The following CACNA1S variants were observed in gnomAD, a reference collection of about 807,000 sequenced individuals.
The protein encoded by CACNA1S is voltage-dependent L-type calcium channel subunit alpha-1S.
In CACNA1S, 126 loss-of-function variants were observed where a neutral mutation model predicts 207.4. The observed-to-expected ratio is 0.61, with a 90% CI of 0.53 to 0.70. The LOEUF is 0.70. Among genes scored for constraint, CACNA1S ranks in the 30% least tolerant of loss-of-function variants. CACNA1S has a pLI of 0.00. For synonymous variants in CACNA1S, 960 were observed against 932.7 expected, an observed-to-expected ratio of 1.03 and a Z score of -0.53; for missense variants, 2,349 against 2,422.8, an observed-to-expected ratio of 0.97 and a Z score of 0.64.
At chr1:201,069,659 C>T in intron 17 of CACNA1S, 58 bp from the exon 18 acceptor site, 3 of 1,543,488 alleles carry the variant, frequency 1.9e-6, no homozygotes, top group Non-Finnish European at 2.6e-6. Context: ...GCTCAGGCCT[C>T]ATCAGCCTCC....
At chr1:201,097,328 T>G (rs1288210929) in intron 2 of CACNA1S, among the ~76,000 whole-genome samples, 2 of 151,984 alleles carry the variant, frequency 1.3e-5, no homozygotes, top group African/African-American at 4.8e-5. Context: ...GCATGCAAGA[T>G]CCTCCATAAC....
rs1008169595 is a variant in CACNA1S, at chr1:201,062,026, C to A, written c.2971G>T (p.Val991Leu). 3 of 1,614,018 alleles carry A rather than the reference C, an allele frequency of 1.9e-6. No homozygotes were observed. The highest frequency in any genetic ancestry group is 1.1e-5 in the South Asian group (1 of 91,086). ...TTGTCGAAGTGGAAGTCGCTGTGTA[C>A]CCACTCGCGGTGACGCAGCTCTATC... ...MQIELRHREW[V>L]HSDFHFDNVL... The change falls in exon 24 of 44, where the codon GTA becomes TTA. Residue 991 changes from valine to leucine, a missense_variant. By Grantham distance (32) the Val-to-Leu change is conservative. Transcript: ENST00000362061.
intron 12 of CACNA1S, among the ~76,000 whole-genome samples, chr1:201,076,115 T>C (rs574039693): frequency 9.7e-4 from 148 of 152,340 alleles, no homozygotes; most frequent in Non-Finnish European, 1.7e-3. Context: ...AGCTTATTGC[T>C]GCTCTCTATG....
In CACNA1S at chr1:201,078,102, T is replaced by A. The variant is rs144372883; in HGVS notation, c.1396A>T (p.Ile466Phe). The A allele has an allele frequency of 6.2e-7, 1 of 1,613,064 alleles. No homozygotes were observed. The highest frequency in any genetic ancestry group is 8.5e-7 in the Non-Finnish European group (1 of 1,178,992). The change falls in exon 11 of 44, where the codon ATT becomes TTT. Residue 466 changes from isoleucine to phenylalanine, a missense_variant and splice_region_variant. Physicochemically the swap from Ile to Phe is conservative, Grantham distance 21 (BLOSUM62 0). Transcript: ENST00000362061. The stretch of plus-strand genomic sequence containing the variant: ...AGGGACAGCAGCACCCGGTTGGCAA[T>A]GTCTGTAGGGTTGGTGGCACAGCCC... Reference protein sequence around the residue: ...QPLWLTRLQDIANRVLLSLFT... With the variant: ...QPLWLTRLQDFANRVLLSLFT...
chr1:201,041,521 T>C lies in CACNA1S; in HGVS notation c.5117A>G (p.Gln1706Arg). The C allele has an allele frequency of 6.2e-7, 1 of 1,614,014 alleles. No individual in the cohort carries two copies. Among genetic ancestry groups the C allele is most frequent in the Non-Finnish European group, 8.5e-7 (1 of 1,179,860 alleles). ...GGACTGACCCAGGACCCTGCAGGGT[T>C]GGCCAAGGGCTCGTCCTCTGGTAGC... ...TPATRGRALGQPCRVLGPHSK... is the reference protein window; with the variant it reads ...TPATRGRALGRPCRVLGPHSK... Residue 1706 changes from glutamine (Q) to arginine (R), a missense_variant, in exon 41 of 44, where the codon CAA becomes CGA. Coordinates refer to ENST00000362061, the MANE Select transcript of CACNA1S (RefSeq NM_000069.3).
chr1:201,074,774 C>T (rs2102138921), intron 13 of CACNA1S, among the ~76,000 whole-genome samples, 154 bp from the exon 14 acceptor site: 1 of 152,202 alleles, frequency 6.6e-6, no homozygotes, highest in East Asian at 1.9e-4. Flanking sequence ...GGAAGGCCCT[C>T]AGGGAAGCCT....
chr1:201,072,878 C>T, intron 15 of CACNA1S, 54 bp from the exon 16 acceptor site: 1 of 1,379,878 alleles, frequency 7.2e-7, no homozygotes, highest in East Asian at 2.3e-5. Flanking sequence ...GCGGTTTCCC[C>T]TCAATGAGCA....
intron 2 of CACNA1S, among the ~76,000 whole-genome samples, chr1:201,102,321 G>A (rs1251440768): frequency 3.9e-5 from 6 of 152,118 alleles, no homozygotes; most frequent in South Asian, 2.1e-4. Context: ...GAACTGAGAC[G>A]GGCTTCCCAC....
At chr1:201,096,024 T>C (rs1201872975) in intron 2 of CACNA1S, among the ~76,000 whole-genome samples, 1 of 152,062 alleles carries the variant, frequency 6.6e-6, no homozygotes, top group Non-Finnish European at 1.5e-5. Flanking sequence ...TAGACAGAAG[T>C]GGGGTTGAGG....
Position 201,075,577 on chromosome 1 carries a change from A to G in CACNA1S, c.1866T>C (p.Asn622=), listed in dbSNP as rs1572048185. The change falls in exon 13 of 44, where the codon AAT becomes AAC. Residue 622 remains asparagine, a synonymous_variant. Transcript: ENST00000362061. ...TGEDWTSMMY[N]GIMAYGGPSY... ...ACGGCCCGCCGTAGGCCATGATCCC[A>G]TTGTACATCATTGAGGTCCAGTCTT... The G allele has an allele frequency of 6.2e-7, 1 of 1,613,926 alleles. No individual in the cohort carries two copies.
chr1:201,111,065 G>GGGCTACTAGAGGGGAAGA (rs369591591), intron 1 of CACNA1S, among the ~76,000 whole-genome samples: 150 of 152,322 alleles, frequency 9.8e-4, no homozygotes, highest in African/African-American at 3.5e-3. Context: ...CAGGGGCAGG[G>GGGCTACTAGAGGGGAAGA]CGCAGAGGAG....
rs533353353 is a variant in CACNA1S at position 201,047,606 on chromosome 1, C to T, written c.4462G>A (p.Glu1488Lys). 148 of 1,614,144 alleles carry T rather than the reference C, an allele frequency of 9.2e-5. No homozygotes were observed. The South Asian group carries it at 1.4e-3, about 16-fold the overall frequency. ...KTEGNFEQANEELRAIIKKIW... is the reference protein window; with the variant it reads ...KTEGNFEQANKELRAIIKKIW... ...TTCTTGATGATGGCCCTCAGCTCCT[C>T]GTTGGCCTGCTCAAAGTTACCTGGA... Residue 1488 changes from glutamate (E) to lysine (K), a missense_variant, in exon 37 of 44, where the codon GAG becomes AAG. Glu to Lys is a moderately conservative substitution (Grantham distance 56). Transcript: ENST00000362061.
rs552001362 is a variant in CACNA1S, at chr1:201,093,395, T to C, written c.398+487A>G. 2.0e-5 allele frequency among the ~76,000 whole-genome samples: 3 copies of C among 152,310 alleles called. 1 individual carries two copies. In the East Asian group the frequency reaches 5.8e-4, roughly 29 times the overall value. On this transcript the variant is annotated intron_variant, in intron 3 of 43. Transcript: ENST00000362061. ...CTTGAATTTCCAGACTCCAGAACTG[T>C]GAGAAATAGATTCCTGTTGTTTCAG...
chr1:201,100,259 G>A (rs1662599783), intron 2 of CACNA1S, among the ~76,000 whole-genome samples: 1 of 152,266 alleles, frequency 6.6e-6, no homozygotes, highest in Non-Finnish European at 1.5e-5. Context: ...GGTTGGAAGT[G>A]AGACTTAGAG....
At chr1:201,076,617 TC>T (rs1435419728) in intron 12 of CACNA1S, among the ~76,000 whole-genome samples, 4 of 152,200 alleles carry the variant, frequency 2.6e-5, no homozygotes, top group African/African-American at 9.7e-5. Flanking sequence ...AAAGCACGCA[TC>T]CGGACTCCCA....
intron 22 of CACNA1S, among the ~76,000 whole-genome samples, chr1:201,063,493 T>C (rs1485072933): frequency 1.3e-5 from 2 of 152,162 alleles, no homozygotes; most frequent in African/African-American, 4.8e-5. Context: ...TTCACCATGT[T>C]GGTCAGGCTG....
rs1660728123 is a variant in CACNA1S, at chr1:201,053,455, G to A, written c.3795+4C>T. The stretch of plus-strand genomic sequence containing the variant: ...ACGTGCAGTTTCCAGGGTCCCTGTT[G>A]CACCTGGAAGGACTTGATGAACGTC... On this transcript the variant is annotated splice_donor_region_variant and intron_variant, in intron 30 of 43. Transcript: ENST00000362061. The surrounding 1 kb of genome is among the most constrained non-coding windows in gnomAD (Gnocchi z 5.1). 5 of 1,614,156 alleles carry A rather than the reference G, an allele frequency of 3.1e-6. No individual in the cohort carries two copies. The highest frequency in any genetic ancestry group is 4.2e-6 in the Non-Finnish European group (5 of 1,180,016).
rs1320735822 is a variant in CACNA1S, at chr1:201,089,418, C to T, written c.740G>A (p.Arg247Lys). The T allele has an allele frequency of 6.2e-7, 1 of 1,614,074 alleles. No homozygotes were observed. Residue 247 changes from arginine to lysine, a missense_variant, in exon 6 of 44, where the codon AGG (arginine) becomes AAG (lysine). Transcript: ENST00000362061. Reference sequence around the variant, plus strand: ...GGTGCACCGGCGCCCTGAGCCCGTCCTGGCGCAGGGCGATGGCTCTTCATT... The same window carrying T: ...GGTGCACCGGCGCCCTGAGCCCGTCTTGGCGCAGGGCGATGGCTCTTCATT... ...VENEEPSPCA[R>K]TGSGRRCTIN...
intron 10 of CACNA1S, among the ~76,000 whole-genome samples, chr1:201,080,629 C>A (rs1357421771): frequency 1.3e-5 from 2 of 152,062 alleles, no homozygotes; most frequent in Non-Finnish European, 2.9e-5. Context: ...AAACAGTCTC[C>A]TTTGTACTGT....
Sources: allele counts gnomAD v4.1 joint callset (sites outside exome capture counted in the v4.1 genomes callset), GRCh38; gene constraint gnomAD v4.1.1; non-coding constraint Gnocchi (gnomAD v3.1); transcripts MANE v1.5; gene names NCBI Gene and HGNC (gene_info 2026-07-23, HGNC 2026-07-21).